The following UBE4B variants were observed in gnomAD, a reference collection of about 807,000 sequenced individuals.
UBE4B encodes the protein ubiquitin conjugation factor E4 B.
UBE4B carries 27 observed loss-of-function variants against 148.1 expected under a neutral mutation model. The ratio of observed to expected loss-of-function variants is 0.18; its 90% CI spans 0.13 to 0.25. The LOEUF (loss-of-function observed/expected upper bound fraction) is 0.25, where lower values mean the gene tolerates loss of function less well. UBE4B is among the 10% of genes least tolerant of loss of function. The probability of loss-of-function intolerance (pLI) is 1.00; values close to 1 mark genes in which losing one functional copy is unlikely to be tolerated. For missense variants in UBE4B, 1,170 were observed against 1,662.4 expected, an observed-to-expected ratio of 0.70 and a Z score of 5.15; for synonymous variants, 596 against 619.3, an observed-to-expected ratio of 0.96 and a Z score of 0.56.
intron 1 of UBE4B, among the ~76,000 whole-genome samples, chr1:10,040,056 A>G (rs532240418): frequency 8.5e-5 from 13 of 152,096 alleles, no homozygotes; most frequent in African/African-American, 3.1e-4. Flanking sequence ...GCTATGGAGA[A>G]GGATAGATAA....
intron 11 of UBE4B, 64 bp downstream of exon 11, chr1:10,126,941 A>G (rs1374091688): frequency 2.3e-5 from 33 of 1,415,964 alleles, no homozygotes; most frequent in Admixed American, 3.6e-5. Context: ...TTATTTTGAC[A>G]TATACTTTTC....
Position 10,105,584 on chromosome 1 carries a change from A to G in UBE4B, c.649A>G (p.Arg217Gly). The change falls in exon 6 of 28, where the codon AGA becomes GGA. Residue 217 changes from arginine (R) to glycine (G), a missense_variant. Physicochemically the swap from Arg to Gly is moderately radical, Grantham distance 125. This residue lies in a region of UBE4B where 91 missense variants were observed against 120.5 expected (regional missense o/e 0.76). Transcript: ENST00000343090. ...AGTGCTAATGATGTCCACTCAGACC[A>G]GAGATGAAAACCCATTTGCCAGTCT... ...MEVLMMSTQT[R>G]DENPFASLTA... The G allele has an allele frequency of 1.2e-6, 2 of 1,614,224 alleles. No homozygotes were observed. The highest frequency in any genetic ancestry group is 2.7e-5 in the African/African-American group (2 of 75,064).
At chr1:10,117,416 A>T (rs184444766) in intron 7 of UBE4B, 43 bp from the exon 8 acceptor site, 2 of 1,607,266 alleles carry the variant, frequency 1.2e-6, no homozygotes, top group East Asian at 2.2e-5. Flanking sequence ...GCCAAAAATA[A>T]TCAAGAGATA....
At chr1:10,058,661 CG>C (rs1477202479) in intron 1 of UBE4B, 1 of 151,822 alleles carries the variant, frequency 6.6e-6, no homozygotes, top group Admixed American at 6.6e-5. Context: ...CACCAGCTGC[CG>C]CCTGCAGGTG....
rs745840536 is a variant in UBE4B, at chr1:10,179,877, C to T, written c.3848-18C>T. ...CCTCCCATCTGGGGCATTAATCCTCCTTTTTTTCTTTTCTCAGTGCCAGAA... is the reference window on the plus strand; with the variant it reads ...CCTCCCATCTGGGGCATTAATCCTCTTTTTTTTCTTTTCTCAGTGCCAGAA... On this transcript the variant is annotated intron_variant, in intron 27 of 27. Transcript: ENST00000343090. 9 of 1,613,226 alleles carry T rather than the reference C, an allele frequency of 5.6e-6. No homozygotes were observed. Among genetic ancestry groups the T allele is most frequent in the Non-Finnish European group, 7.6e-6 (9 of 1,179,976 alleles).
At chr1:10,082,163 C>T (rs1644693004) in intron 2 of UBE4B, among the ~76,000 whole-genome samples, 1 of 152,112 alleles carries the variant, frequency 6.6e-6, no homozygotes, top group African/African-American at 2.4e-5. Context: ...GCAGTAGGTT[C>T]TGTTGTAGGC....
In UBE4B at chr1:10,137,192, C is replaced by T. The variant is rs141750784; in HGVS notation, c.2350C>T (p.Arg784Trp). The T allele has an allele frequency of 1.3e-5, 21 of 1,613,912 alleles. No individual in the cohort carries two copies. Among genetic ancestry groups the T allele is most frequent in the African/African-American group, 2.7e-5 (2 of 74,912 alleles). ...CTATATCCGCAGACTCCGGGCTATCCGGGAGCTCAATAGGTATGTGCCATG... is the reference window on the plus strand; with the variant it reads ...CTATATCCGCAGACTCCGGGCTATCTGGGAGCTCAATAGGTATGTGCCATG... ...RRYIRRLRAIRELNRTVEDLK... is the reference protein window; with the variant it reads ...RRYIRRLRAIWELNRTVEDLK... Residue 784 changes from arginine (R) to tryptophan (W), a missense_variant, in exon 17 of 28, where the codon CGG becomes TGG. This residue lies in a region of UBE4B where 388 missense variants were observed against 536.0 expected (regional missense o/e 0.72). Coordinates refer to ENST00000343090, the MANE Select transcript of UBE4B (RefSeq NM_001105562.3).
chr1:10,069,525 A>G (rs1351060051), intron 1 of UBE4B, among the ~76,000 whole-genome samples: 1 of 152,032 alleles, frequency 6.6e-6, no homozygotes, highest in African/African-American at 2.4e-5. Context: ...CCCTGTAAGG[A>G]AGATACTGGT....
intron 1 of UBE4B, among the ~76,000 whole-genome samples, chr1:10,055,470 A>G (rs1332263462): frequency 6.6e-6 from 1 of 152,088 alleles, no homozygotes; most frequent in Non-Finnish European, 1.5e-5. Context: ...GTGTGCTGCC[A>G]CACCCAGCTA....
chr1:10,091,488 A>T (rs1037991709), intron 2 of UBE4B, among the ~76,000 whole-genome samples: 1 of 152,034 alleles, frequency 6.6e-6, no homozygotes, highest in African/African-American at 2.4e-5. Context: ...TCTGTTGCCC[A>T]TGCTGGAGTG....
Position 10,137,106 on chromosome 1 carries a change from C to T in UBE4B, c.2264C>T (p.Thr755Met). The change falls in exon 17 of 28, where the codon ACG becomes ATG. Residue 755 changes from threonine (T) to methionine (M), a missense_variant. Around this residue, in one of 6 missense-constraint regions of UBE4B, gnomAD observed 388 missense variants for 536.0 expected, o/e 0.72. Coordinates refer to ENST00000343090, the MANE Select transcript of UBE4B (RefSeq NM_001105562.3). ...QPPFSEPKFP[T>M]ECFFLTLHAH... ...CCATTTTCTGAGCCGAAATTCCCTA[C>T]GGAGTGCTTCTTTCTCACCCTGCAT... 3.7e-6 allele frequency: 6 copies of T among 1,614,156 alleles called. No homozygotes were observed. Among genetic ancestry groups the T allele is most frequent in the East Asian group, 2.2e-5 (1 of 44,884 alleles).
At chr1:10,066,848 G>T (rs1644395570) in intron 1 of UBE4B, among the ~76,000 whole-genome samples, 1 of 152,080 alleles carries the variant, frequency 6.6e-6, no homozygotes, top group South Asian at 2.1e-4. Flanking sequence ...AGAGGTTGCA[G>T]TGAGCCAAGA....
At chr1:10,104,589 G>A (rs1329152513) in intron 5 of UBE4B, among the ~76,000 whole-genome samples, 1 of 152,108 alleles carries the variant, frequency 6.6e-6, no homozygotes, top group Non-Finnish European at 1.5e-5. Flanking sequence ...TTGTATTTCT[G>A]GAGGATAGAT....
At chr1:10,075,455 T>A (rs772003173) in intron 2 of UBE4B, among the ~76,000 whole-genome samples, 1 of 152,232 alleles carries the variant, frequency 6.6e-6, no homozygotes, top group Non-Finnish European at 1.5e-5. Context: ...CACTTGAGTC[T>A]GTTCTCAGTG....
chr1:10,090,395 A>G (rs959353096), intron 2 of UBE4B, among the ~76,000 whole-genome samples: 1 of 152,156 alleles, frequency 6.6e-6, no homozygotes, highest in African/African-American at 2.4e-5. Context: ...TTCTGGAATT[A>G]TAGGCGTGAG....
intron 11 of UBE4B, among the ~76,000 whole-genome samples, chr1:10,127,874 A>C (rs562938875): frequency 3.9e-5 from 6 of 152,380 alleles, no homozygotes; most frequent in African/African-American, 1.4e-4. Flanking sequence ...AGAGCTGTAC[A>C]CAAAGGGTGT....
In UBE4B at chr1:10,100,029, G is replaced by A. The variant is rs35922640; in HGVS notation, c.348-1079G>A. Among the ~76,000 whole-genome samples the A allele has an allele frequency of 8.1e-3, 1,222 of 151,322 alleles. 11 individuals are homozygous for A. The highest frequency in any genetic ancestry group is 0.027 in the African/African-American group (1,118 of 41,230). On this transcript the variant is annotated intron_variant, in intron 3 of 27. Coordinates refer to ENST00000343090, the MANE Select transcript of UBE4B (RefSeq NM_001105562.3). ...TTTTGAGATGGAGTCTCGCTCTGTC[G>A]CCCAGGCTGGAGTGCAGTGGCGCAG...
At chr1:10,147,250 G>T (rs532865335) in intron 19 of UBE4B, among the ~76,000 whole-genome samples, 160 bp downstream of exon 19, 1 of 152,114 alleles carries the variant, frequency 6.6e-6, no homozygotes, top group Admixed American at 6.5e-5. Context: ...CAGCACTTTG[G>T]GGGAGGCTGA....
At chr1:10,175,813 G>A (rs1237855387) in intron 25 of UBE4B, among the ~76,000 whole-genome samples, 5 of 152,236 alleles carry the variant, frequency 3.3e-5, no homozygotes, top group Middle Eastern at 3.4e-3. Context: ...TCATTTTCTT[G>A]TTATTTTTTT....
Sources: gnomAD v4.1 joint callset for allele counts (sites outside exome capture counted in the v4.1 genomes callset) on GRCh38, gnomAD v4.1.1 for gene constraint, gnomAD v4.1.1 regional missense constraint, MANE v1.5 for transcripts, NCBI Gene and HGNC (gene_info 2026-07-23, HGNC 2026-07-21) for gene names.